DIPK1A: variants seen among roughly 807,000 people sequenced by gnomAD.
The protein encoded by DIPK1A is divergent protein kinase domain 1A.
A neutral mutation model predicts 40.8 loss-of-function variants in DIPK1A; 27 were observed. The observed-to-expected ratio is 0.66, with a 90% CI of 0.49 to 0.91. The LOEUF (loss-of-function observed/expected upper bound fraction) is 0.91. Ranked by LOEUF, DIPK1A falls within the 40% of genes least tolerant of loss-of-function variation. The probability of loss-of-function intolerance (pLI) is 0.00; values close to 1 mark genes in which losing one functional copy is unlikely to be tolerated. For synonymous variants in DIPK1A, 166 were observed against 171.3 expected (o/e 0.97, Z 0.24); for missense variants, 412 against 505.7 (o/e 0.81, Z 1.78).
At chr1:92,944,570 G>C (rs966561141) in intron 1 of DIPK1A, among the ~76,000 whole-genome samples, 1 of 152,130 alleles carries the variant, frequency 6.6e-6, no homozygotes, top group Non-Finnish European at 1.5e-5. Flanking sequence ...ATTATTTTTG[G>C]CCCAGAATTC....
In DIPK1A at chr1:92,862,141, C is replaced by CT. The variant is rs539331594; in HGVS notation, c.190-11187_190-11186insA. ...TTTCCTTGTGTTCTCTGTATACCAT[C>CT]ATCAGTGACATTCCCACAGCTCTGA... On this transcript the variant is annotated intron_variant, in intron 2 of 4. Coordinates refer to ENST00000370310, the MANE Select transcript of DIPK1A (RefSeq NM_001006605.5). Among the ~76,000 whole-genome samples, 345 of 152,294 alleles carry CT rather than the reference C, an allele frequency of 2.3e-3. 6 individuals are homozygous for CT. Among genetic ancestry groups the CT allele is most frequent in the African/African-American group, 7.7e-3 (319 of 41,556 alleles).
Position 92,881,097 on chromosome 1 carries a change from C to T in DIPK1A, c.55-4667G>A, listed in dbSNP as rs1648350871. 3.2e-5 allele frequency among the ~76,000 whole-genome samples: 4 copies of T among 124,866 alleles called. No homozygotes were observed. The Admixed American group carries it at 4.3e-4, about 13-fold the overall frequency. The allele number at this position is 124,866 out of a possible 152,430, so 81.9% of individuals were successfully genotyped here. On this transcript the variant is annotated intron_variant, in intron 1 of 4. Coordinates refer to ENST00000370310, the MANE Select transcript of DIPK1A (RefSeq NM_001006605.5). ...CTGAGGCAGGAGAATCGCTTGAACCCGGGAGGTGGAGGTTGTAGTGAGCCG... is the reference window on the plus strand; with the variant it reads ...CTGAGGCAGGAGAATCGCTTGAACCTGGGAGGTGGAGGTTGTAGTGAGCCG...
At chr1:92,876,964 G>A (rs890727004) in intron 1 of DIPK1A, 15 of 984,446 alleles carry the variant, frequency 1.5e-5, no homozygotes, top group Admixed American at 1.2e-4. Flanking sequence ...TATTCACCAG[G>A]GCTTTATGTT....
Position 92,878,820 on chromosome 1 carries a change from AAAACAAAC to A in DIPK1A, c.55-2398_55-2391del, listed in dbSNP as rs113474701. ...TGGGCGACAGCGAGACTCTGTCTCA[AAAACAAAC>A]AAACAAACAAACAAACAAACAAACA... On this transcript the variant is annotated intron_variant, in intron 1 of 4. Coordinates refer to ENST00000370310, the MANE Select transcript of DIPK1A (RefSeq NM_001006605.5). 3.8e-3 allele frequency among the ~76,000 whole-genome samples: 549 copies of A among 145,896 alleles called. 3 individuals are homozygous for A. Among genetic ancestry groups the A allele is most frequent in the African/African-American group, 0.011 (441 of 39,114 alleles).
rs544226181 is a variant in DIPK1A at position 92,910,558 on chromosome 1, C to A, written c.55-34128G>T. Among the ~76,000 whole-genome samples the A allele has an allele frequency of 9.1e-4, 139 of 152,196 alleles. 2 individuals are homozygous for A. In the South Asian group the frequency reaches 0.012, roughly 13 times the overall value. On this transcript the variant is annotated intron_variant, in intron 1 of 4. Transcript: ENST00000370310. ...AATAGTGCCAGTGACTAGAGTGCAT[C>A]ATTCAAAGGTCCTTTCCATTCCAAG...
intron 1 of DIPK1A, chr1:92,933,299 T>C (rs1650829096): frequency 6.6e-6 from 1 of 151,808 alleles, no homozygotes; most frequent in Non-Finnish European, 1.5e-5. Flanking sequence ...AAGAAGAAAC[T>C]GAAAAGGTGA....
At chr1:92,840,050 C>T (rs1687290266), downstream of DIPK1A, among the ~76,000 whole-genome samples, 1 of 149,902 alleles carries the variant, frequency 6.7e-6, no homozygotes, top group Non-Finnish European at 1.5e-5. Context: ...GATGAGGTCT[C>T]ATTCTGTCAT....
At chr1:92,877,272 T>C in intron 1 of DIPK1A, 1 of 356,114 alleles carries the variant, frequency 2.8e-6, no homozygotes, top group African/African-American at 2.2e-5. Context: ...CTATTTGACA[T>C]TTATTTTTTG....
chr1:92,955,571 A>C (rs905770943), intron 1 of DIPK1A, among the ~76,000 whole-genome samples: 2 of 151,596 alleles, frequency 1.3e-5, no homozygotes, highest in African/African-American at 4.9e-5. Flanking sequence ...GGTGGCGGGC[A>C]CCTGTAGTCC....
At chr1:92,922,502 T>C (rs1650309166) in intron 1 of DIPK1A, among the ~76,000 whole-genome samples, 1 of 152,088 alleles carries the variant, frequency 6.6e-6, no homozygotes, top group Non-Finnish European at 1.5e-5. Flanking sequence ...TTAAGTGTAA[T>C]CCAGATGCCA....
At chr1:92,840,024 T>C (rs1403289972), downstream of DIPK1A, among the ~76,000 whole-genome samples, 2 of 151,578 alleles carry the variant, frequency 1.3e-5, no homozygotes, top group Non-Finnish European at 1.5e-5. Context: ...TTTTTTTTTT[T>C]TTAATTTTTG....
At chr1:92,903,056 CTTTT>C (rs1055715819) in intron 1 of DIPK1A, among the ~76,000 whole-genome samples, 1 of 151,948 alleles carries the variant, frequency 6.6e-6, no homozygotes, top group African/African-American at 2.4e-5. Flanking sequence ...ACACTGCTTT[CTTTT>C]TATTTATTTT....
At chr1:92,953,068 C>G (rs942008065) in intron 1 of DIPK1A, among the ~76,000 whole-genome samples, 12 of 151,992 alleles carry the variant, frequency 7.9e-5, no homozygotes, top group African/African-American at 2.2e-4. Flanking sequence ...AACACATAAC[C>G]CTGTTGAATA....
At chr1:92,864,032 G>A (rs1317418304) in intron 2 of DIPK1A, among the ~76,000 whole-genome samples, 1 of 151,928 alleles carries the variant, frequency 6.6e-6, no homozygotes, top group African/African-American at 2.4e-5. Context: ...CTCCAGCATG[G>A]GTGACACAGC....
rs12126808 is a variant in DIPK1A, at chr1:92,944,016, T to C, written c.54+17360A>G. ...GTTATAATCAAAATACTGAAGAGGA[T>C]GGTGCATCCACATAAACTATGAATA... On this transcript the variant is annotated intron_variant, in intron 1 of 4. Transcript: ENST00000370310. Among the ~76,000 whole-genome samples, 1,182 of 152,166 alleles carry C rather than the reference T, an allele frequency of 7.8e-3. 6 individuals carry two copies. The highest frequency in any genetic ancestry group is 0.013 in the Non-Finnish European group (864 of 68,004).
chr1:92,906,336 C>T (rs760638857), intron 1 of DIPK1A, among the ~76,000 whole-genome samples: 3 of 152,042 alleles, frequency 2.0e-5, no homozygotes, highest in Non-Finnish European at 4.4e-5. Context: ...TGTTAGCTAG[C>T]ATAGAAGCAC....
intron 1 of DIPK1A, among the ~76,000 whole-genome samples, chr1:92,960,003 G>A (rs1423165488): frequency 1.5e-5 from 2 of 137,092 alleles, no homozygotes; most frequent in South Asian, 2.4e-4. Context: ...GAATCAGCCC[G>A]CCTCGGCCTC....
chr1:92,891,093 T>C (rs1648849927), intron 1 of DIPK1A, among the ~76,000 whole-genome samples: 1 of 152,162 alleles, frequency 6.6e-6, no homozygotes, highest in South Asian at 2.1e-4. Flanking sequence ...GTTTTCTAAT[T>C]TGTTGGTGTG....
At chr1:92,943,388 T>C (rs984193905) in intron 1 of DIPK1A, among the ~76,000 whole-genome samples, 1 of 152,030 alleles carries the variant, frequency 6.6e-6, no homozygotes, top group African/African-American at 2.4e-5. Flanking sequence ...AATCTGTCAG[T>C]TGGAACACCT....
Sources: allele counts gnomAD v4.1 joint callset (sites outside exome capture counted in the v4.1 genomes callset), GRCh38; gene constraint gnomAD v4.1.1; transcripts MANE v1.5; gene names NCBI Gene and HGNC (gene_info 2026-07-23, HGNC 2026-07-21).